MKLN1: variants seen among roughly 807,000 people sequenced by gnomAD.
The protein encoded by MKLN1 is muskelin 1, also known as muskelin.
A neutral mutation model predicts 99.0 loss-of-function variants in MKLN1; 18 were observed. That is an observed-to-expected ratio of 0.18 (90% CI 0.13 to 0.27). MKLN1 has a LOEUF of 0.27. Among genes scored for constraint, MKLN1 ranks in the 10% least tolerant of loss-of-function variants. The pLI is 1.00. For missense variants in MKLN1, 621 were observed against 875.9 expected, an observed-to-expected ratio of 0.71 and a Z score of 3.67; for synonymous variants, 288 against 293.2, an observed-to-expected ratio of 0.98 and a Z score of 0.18.
At chr7:131,343,664 CTG>C (rs1161653377) in intron 1 of MKLN1, among the ~76,000 whole-genome samples, 2 of 152,062 alleles carry the variant, frequency 1.3e-5, no homozygotes, top group African/African-American at 4.8e-5. Context: ...ATGTACTACT[CTG>C]TAAAAAATTT....
chr7:131,418,431 T>C (rs1048460621), intron 8 of MKLN1, among the ~76,000 whole-genome samples: 6 of 150,530 alleles, frequency 4.0e-5, no homozygotes, highest in African/African-American at 1.2e-4. Flanking sequence ...TTGGCTTCCC[T>C]GGGCCACATT....
intron 2 of MKLN1, chr7:131,143,053 C>A (rs749305942): frequency 1.9e-5 from 12 of 634,278 alleles, no homozygotes; most frequent in Non-Finnish European, 3.0e-5. Context: ...GAAGATGTGA[C>A]TGGAGTCCTC....
At position 131,253,626 on chromosome 7, in the gene MKLN1, C is replaced by T. The variant is rs907201050; in HGVS notation, c.-179+50652C>T. ...CCCTGCTTATGAAACAGAATCATCA[C>T]TCCAAGAGAAGTGGGTCACTGTCCC... On this transcript the variant is annotated intron_variant, in intron 3 of 7. Transcript: ENST00000416992. 3.9e-5 allele frequency among the ~76,000 whole-genome samples: 6 copies of T among 152,174 alleles called. No individual in the cohort carries two copies. In the South Asian group the frequency reaches 1.2e-3, roughly 32 times the overall value.
chr7:131,466,256 G>T lies in MKLN1; in HGVS notation c.1789-20G>T. ...GTATGCATGCATTTTTAAAAATCTG[G>T]CTTATTTTGCTTATTATAGGTTCAT... On this transcript the variant is annotated intron_variant, in intron 14 of 17. Coordinates refer to ENST00000352689, the MANE Select transcript of MKLN1 (RefSeq NM_013255.5). The T allele has an allele frequency of 6.5e-7, 1 of 1,547,018 alleles. No individual in the cohort carries two copies. The highest frequency in any genetic ancestry group is 1.4e-5 in the African/African-American group (1 of 73,486).
At chr7:131,357,498 A>G (rs1439636799) in intron 1 of MKLN1, among the ~76,000 whole-genome samples, 8 of 152,210 alleles carry the variant, frequency 5.3e-5, no homozygotes. Flanking sequence ...GGAGTATTAC[A>G]TAATTTCTTA....
intron 3 of MKLN1, among the ~76,000 whole-genome samples, chr7:131,225,630 A>T (rs1028961637): frequency 2.0e-5 from 3 of 152,218 alleles, no homozygotes; most frequent in African/African-American, 7.2e-5. Context: ...GACCCAGATC[A>T]GGGCATGCTA....
At chr7:131,455,575 G>A (rs895006576) in intron 12 of MKLN1, among the ~76,000 whole-genome samples, 2 of 152,026 alleles carry the variant, frequency 1.3e-5, no homozygotes, top group Admixed American at 6.6e-5. Context: ...AACGTTTACT[G>A]ATCTGCTTGA....
intron 2 of MKLN1, among the ~76,000 whole-genome samples, chr7:131,182,073 G>C (rs1373058608): frequency 6.6e-6 from 1 of 152,174 alleles, no homozygotes; most frequent in African/African-American, 2.4e-5. Flanking sequence ...CGGGGAGGCT[G>C]CAGTGAGCCG....
At chr7:131,323,027 A>G (rs1413556779), upstream of MKLN1, among the ~76,000 whole-genome samples, 3 of 152,200 alleles carry the variant, frequency 2.0e-5, no homozygotes, top group Non-Finnish European at 2.9e-5. Context: ...TGTTGGGAAC[A>G]CAGAGCCAGA....
At chr7:131,456,927 A>G (rs1287359276) in intron 12 of MKLN1, among the ~76,000 whole-genome samples, 2 of 151,036 alleles carry the variant, frequency 1.3e-5, no homozygotes, top group East Asian at 3.9e-4. Context: ...GAGGACTACA[A>G]CTGTCTCAAA....
chr7:131,243,177 T>G (rs1797432820), intron 3 of MKLN1, among the ~76,000 whole-genome samples: 1 of 152,222 alleles, frequency 6.6e-6, no homozygotes, highest in Non-Finnish European at 1.5e-5. Flanking sequence ...TTCAGTTGGT[T>G]TACGTTGTCT....
At chr7:131,469,607 C>T (rs182870138) in intron 15 of MKLN1, among the ~76,000 whole-genome samples, 1 of 152,238 alleles carries the variant, frequency 6.6e-6, no homozygotes, top group East Asian at 1.9e-4. Context: ...TTTGTCCCTG[C>T]GTGAAGTACA....
Position 131,387,102 on chromosome 7 carries a change from G to GGTC in MKLN1, c.169-15_169-13dup. On this transcript the variant is annotated splice_polypyrimidine_tract_variant and intron_variant, in intron 2 of 17. Transcript: ENST00000352689. ...TTTTAAACAGAAGAGGATATAATTTGGTCGTTTCTTTTTTTAGTACTTGAT... is the reference window on the plus strand; with the variant it reads ...TTTTAAACAGAAGAGGATATAATTTGGTCGTCGTTTCTTTTTTTAGTACTTGAT... 1 of 1,575,908 alleles carries GGTC rather than the reference G, an allele frequency of 6.3e-7. No individual in the cohort carries two copies. Among genetic ancestry groups the GGTC allele is most frequent in the Non-Finnish European group, 8.6e-7 (1 of 1,166,364 alleles).
chr7:131,184,857 G>C (rs569805030), intron 2 of MKLN1, among the ~76,000 whole-genome samples: 1 of 152,118 alleles, frequency 6.6e-6, no homozygotes, highest in Non-Finnish European at 1.5e-5. Flanking sequence ...CACACACCCA[G>C]CCAGGTTCAC....
intron 3 of MKLN1, among the ~76,000 whole-genome samples, chr7:131,291,386 C>T (rs548409265): frequency 1.6e-4 from 25 of 151,806 alleles, no homozygotes; most frequent in Non-Finnish European, 3.2e-4. Flanking sequence ...CCGCCTCAGC[C>T]TCCCAAAGTG....
intron 4 of MKLN1, among the ~76,000 whole-genome samples, chr7:131,393,202 A>G (rs1173973268): frequency 1.3e-5 from 2 of 152,242 alleles, no homozygotes; most frequent in Admixed American, 1.3e-4. Flanking sequence ...ACAAACTGCT[A>G]GCCTTGGGAT....
Position 131,469,880 on chromosome 7 carries a change from G to GC in MKLN1, c.1929-961dup, listed in dbSNP as rs1451136231. On this transcript the variant is annotated intron_variant, in intron 15 of 17. Transcript: ENST00000352689. ...GATTCATTCTCTGCACCTCAGTTTTGCTTTTTTTTTTTTGAGACAGGATCT... is the reference window on the plus strand; with the variant it reads ...GATTCATTCTCTGCACCTCAGTTTTGCCTTTTTTTTTTTTGAGACAGGATCT... Among the ~76,000 whole-genome samples, 26 of 44,498 alleles carry GC rather than the reference G, an allele frequency of 5.8e-4. No homozygotes were observed. In the Admixed American group the frequency reaches 8.7e-3, roughly 15 times the overall value. The allele number at this position is 44,498 out of a possible 152,430, so 29.2% of individuals were successfully genotyped here. A position where few individuals can be genotyped will look rare whatever the true frequency, so the allele number is the denominator to read the frequency against.
intron 3 of MKLN1, among the ~76,000 whole-genome samples, chr7:131,282,349 C>CA (rs1001483569): frequency 0.25 from 16,232 of 65,066 alleles, 1,473 homozygotes; most frequent in African/African-American, 0.32. Context: ...AACTCCGTCT[C>CA]AAAAAAAAAA....
intron 3 of MKLN1, among the ~76,000 whole-genome samples, chr7:131,267,192 G>A (rs930938201): frequency 1.3e-5 from 2 of 151,944 alleles, no homozygotes; most frequent in African/African-American, 4.8e-5. Flanking sequence ...AATTAGCCAG[G>A]CATAGTGGTG....
Sources: allele counts gnomAD v4.1 joint callset (sites outside exome capture counted in the v4.1 genomes callset), GRCh38; gene constraint gnomAD v4.1.1; transcripts MANE v1.5; gene names NCBI Gene and HGNC (gene_info 2026-07-23, HGNC 2026-07-21).